The following BEST2 variants were observed in gnomAD, a reference collection of about 807,000 sequenced individuals.
BEST2 encodes bestrophin-2a.
Under a neutral mutation model 49.0 loss-of-function variants are expected in BEST2, and 36 were observed. The ratio of observed to expected loss-of-function variants is 0.73; its 90% CI spans 0.56 to 0.97. BEST2 has a LOEUF of 0.97. BEST2 is among the 50% of genes least tolerant of loss of function. BEST2 has a pLI of 0.00. For synonymous variants in BEST2, 335 were observed against 304.4 expected (o/e 1.10, Z -1.05); for missense variants, 672 against 710.0 (o/e 0.95, Z 0.61).
chr19:12,755,990 A>G lies in BEST2; in HGVS notation c.948+55A>G. ...AGGTGGCGACCATCCCGGAGTGCCC[A>G]ACAGGGTTCTGGTCCCACCCCTGCC... is the stretch of plus-strand genomic sequence containing the variant. On this transcript the variant is annotated intron_variant, in intron 8 of 9. Transcript: ENST00000553030. This position sits in a 1 kb window ranked among gnomAD's most constrained non-coding sequence, Gnocchi z 4.4. 3.1e-6 allele frequency: 5 copies of G among 1,597,576 alleles called. No homozygotes were observed. The highest frequency in any genetic ancestry group is 4.3e-6 in the Non-Finnish European group (5 of 1,165,478).
chr19:12,754,759 C>A lies in BEST2; in HGVS notation c.455C>A (p.Pro152His). 1.3e-6 allele frequency: 2 copies of A among 1,586,180 alleles called. No individual in the cohort carries two copies. Among genetic ancestry groups the A allele is most frequent in the Non-Finnish European group, 1.7e-6 (2 of 1,165,992 alleles). The change falls in exon 4 of 10, where the codon CCC becomes CAC. Residue 152 changes from proline to histidine, a missense_variant. This residue lies in a region of BEST2 where 365 missense variants were observed against 390.9 expected (regional missense o/e 0.93). Transcript: ENST00000553030. Reference protein sequence around the residue: ...SVSTAVFKRFPTIDHVVEAGF... With the variant: ...SVSTAVFKRFHTIDHVVEAGF... Reference sequence around the variant, plus strand: ...AGCACCGCGGTGTTCAAGCGCTTCCCCACCATAGACCACGTGGTGGAGGCT... The same window carrying A: ...AGCACCGCGGTGTTCAAGCGCTTCCACACCATAGACCACGTGGTGGAGGCT...
rs967907804 is a variant in BEST2 at position 12,755,006 on chromosome 19, A to G, written c.611A>G (p.Asn204Ser). 6 of 1,609,422 alleles carry G rather than the reference A, an allele frequency of 3.7e-6. No individual in the cohort carries two copies. In the African/African-American group the frequency reaches 6.7e-5, roughly 18 times the overall value. ...QARREGRIRD[N>S]SALKLLLEEL... Reference sequence around the variant, plus strand: ...CGACGCGAGGGCCGCATCCGCGACAACAGCGCCCTTAAGCTGCTGCTCGAG... The same window carrying G: ...CGACGCGAGGGCCGCATCCGCGACAGCAGCGCCCTTAAGCTGCTGCTCGAG... The change falls in exon 5 of 10, where the codon AAC becomes AGC. Residue 204 changes from asparagine (N) to serine (S), a missense_variant. By Grantham distance (46) the Asn-to-Ser change is conservative. Around this residue, in one of 3 missense-constraint regions of BEST2, gnomAD observed 365 missense variants for 390.9 expected, o/e 0.93. Transcript: ENST00000553030. The surrounding 1 kb of genome is among the most constrained non-coding windows in gnomAD (Gnocchi z 4.4).
At position 12,755,292 on chromosome 19, in the gene BEST2, C is replaced by T; in HGVS notation, c.637-87C>T. 7.1e-7 allele frequency: 1 copy of T among 1,408,196 alleles called. No homozygotes were observed. The highest frequency in any genetic ancestry group is 1.0e-6 in the Non-Finnish European group (1 of 997,022). The allele number at this position is 1,408,196 out of a possible 1,614,324, so 87.2% of individuals were successfully genotyped here. A position where few individuals can be genotyped will look rare whatever the true frequency, so the allele number is the denominator to read the frequency against. ...ACACTCCCAATTCCCACCAGGTGACCACCCACCTCCATCCCACGTACCTAC... is the reference window on the plus strand; with the variant it reads ...ACACTCCCAATTCCCACCAGGTGACTACCCACCTCCATCCCACGTACCTAC... On this transcript the variant is annotated intron_variant, in intron 5 of 9. Coordinates refer to ENST00000553030, the MANE Select transcript of BEST2 (RefSeq NM_017682.3). This position sits in a 1 kb window ranked among gnomAD's most constrained non-coding sequence, Gnocchi z 4.4.
chr19:12,754,335 G>C (rs1967908317), intron 3 of BEST2, among the ~76,000 whole-genome samples: 1 of 152,090 alleles, frequency 6.6e-6, no homozygotes, highest in East Asian at 1.9e-4. Context: ...GCCTCCCAAG[G>C]AGCTGGGATT....
Position 12,758,334 on chromosome 19 carries a change from A to G in BEST2, c.*257A>G. 1 of 533,688 alleles carries G rather than the reference A, an allele frequency of 1.9e-6. No homozygotes were observed. The highest frequency in any genetic ancestry group is 3.3e-6 in the Non-Finnish European group (1 of 306,594). 33.1% of individuals were successfully genotyped at this position (533,688 alleles called of 1,614,324 possible). On this transcript the variant is annotated 3_prime_UTR_variant, in exon 10 of 10. Coordinates refer to ENST00000553030, the MANE Select transcript of BEST2 (RefSeq NM_017682.3). The stretch of plus-strand genomic sequence containing the variant: ...AGGTCTCTATCAGTGTCCTGCCTGA[A>G]TTCTTTCCTTCAAGTGAAGATGTGA...
At chr19:12,756,342 T>G (rs1319885392) in intron 9 of BEST2, 47 bp downstream of exon 9, 1 of 1,597,710 alleles carries the variant, frequency 6.3e-7, no homozygotes, top group Admixed American at 1.7e-5. Flanking sequence ...GGCTTATGGC[T>G]CTGCGGGGCA....
chr19:12,754,263 G>A (rs1268365437), intron 3 of BEST2, among the ~76,000 whole-genome samples: 2 of 151,554 alleles, frequency 1.3e-5, no homozygotes, highest in Non-Finnish European at 2.9e-5. Flanking sequence ...TAGTAGAGAC[G>A]GAGTTTCACC....
intron 2 of BEST2, 85 bp downstream of exon 2, chr19:12,752,829 A>G: frequency 2.1e-6 from 2 of 958,758 alleles, no homozygotes; most frequent in Non-Finnish European, 2.6e-6. Context: ...ATAAAAATAT[A>G]GAGATATATA....
Position 12,755,082 on chromosome 19 carries a change from C to A in BEST2, c.636+51C>A. 1 of 1,547,728 alleles carries A rather than the reference C, an allele frequency of 6.5e-7. No individual in the cohort carries two copies. On this transcript the variant is annotated intron_variant, in intron 5 of 9. Transcript: ENST00000553030. This position sits in a 1 kb window ranked among gnomAD's most constrained non-coding sequence, Gnocchi z 4.4. ...TATAGAATACCAGGGAAATTGTACC[C>A]CTGGAGCTGTGTCAACGGCGGCCCT...
chr19:12,756,317 G>C, intron 9 of BEST2, 22 bp downstream of exon 9: 1 of 1,610,386 alleles, frequency 6.2e-7, no homozygotes, highest in Non-Finnish European at 8.5e-7. Flanking sequence ...GGGTGGGCAG[G>C]GCCGCCTGGG....
rs1463366835 is a variant in BEST2, at chr19:12,754,656, G to A, written c.352G>A (p.Asp118Asn). 3 of 1,558,406 alleles carry A rather than the reference G, an allele frequency of 1.9e-6. No individual in the cohort carries two copies. The highest frequency in any genetic ancestry group is 2.6e-6 in the Non-Finnish European group (3 of 1,150,892). The change falls in exon 4 of 10, where the codon GAC (aspartate) becomes AAC (asparagine). Residue 118 changes from aspartate to asparagine, a missense_variant. By Grantham distance (23) the Asp-to-Asn change is conservative. This residue lies in a region of BEST2 where 365 missense variants were observed against 390.9 expected (regional missense o/e 0.93). Transcript: ENST00000553030. ...CVVAGTVHGR[D>N]DRGRLYRRTL... ...GGTGGCGGGCACCGTGCACGGACGC[G>A]ACGACCGCGGCCGCCTCTACCGGCG...
In BEST2 at chr19:12,758,293, A is replaced by C; in HGVS notation, c.*216A>C. ...CCCTGACCACCAGCTCTACTTCCCAACCCCCACTGCCTGAGAGGTCTCTAT... is the reference window on the plus strand; with the variant it reads ...CCCTGACCACCAGCTCTACTTCCCACCCCCCACTGCCTGAGAGGTCTCTAT... On this transcript the variant is annotated 3_prime_UTR_variant, in exon 10 of 10. Transcript: ENST00000553030. 1 of 585,412 alleles carries C rather than the reference A, an allele frequency of 1.7e-6. No individual in the cohort carries two copies. The highest frequency in any genetic ancestry group is 3.0e-6 in the Non-Finnish European group (1 of 338,826). The allele number at this position is 585,412 out of a possible 1,614,324, so 36.3% of individuals were successfully genotyped here. A position where few individuals can be genotyped will look rare whatever the true frequency, so the allele number is the denominator to read the frequency against.
At position 12,753,269 on chromosome 19, in the gene BEST2, G is replaced by C; in HGVS notation, c.162G>C (p.Leu54=). Residue 54 remains leucine, a synonymous_variant, in exon 3 of 10, where the codon CTG becomes CTC. Coordinates refer to ENST00000553030, the MANE Select transcript of BEST2 (RefSeq NM_017682.3). ...MALSAAYRFV[L]TEGQKRYFEK... is the part of the protein sequence containing the mutation. ...CATCTCTATCCCGCAGCTTTGTGCT[G>C]ACCGAAGGGCAGAAGCGCTACTTCG... The C allele has an allele frequency of 6.2e-7, 1 of 1,614,178 alleles. No homozygotes were observed. Among genetic ancestry groups the C allele is most frequent in the Non-Finnish European group, 8.5e-7 (1 of 1,180,022 alleles).
intron 9 of BEST2, 99 bp downstream of exon 9, chr19:12,756,394 G>A (rs1967944990): frequency 6.8e-7 from 1 of 1,461,484 alleles, no homozygotes; most frequent in Non-Finnish European, 9.3e-7. Context: ...TCTGGAGATG[G>A]GGATAAGAGC....
At chr19:12,753,228 G>A (rs369836917) in intron 2 of BEST2, 32 bp from the exon 3 acceptor site, 6 of 1,606,032 alleles carry the variant, frequency 3.7e-6, no homozygotes, top group Non-Finnish European at 5.1e-6. Context: ...AGTCACCCTT[G>A]TGACCTGTGA....
In BEST2 at chr19:12,755,048, G is replaced by T; in HGVS notation, c.636+17G>T. ...CTGCTCGAGGTGGGCCCAACCAGGA[G>T]GTCATTCATATAGAATACCAGGGAA... On this transcript the variant is annotated intron_variant, in intron 5 of 9. Coordinates refer to ENST00000553030, the MANE Select transcript of BEST2 (RefSeq NM_017682.3). This position sits in a 1 kb window ranked among gnomAD's most constrained non-coding sequence, Gnocchi z 4.4. 6.3e-7 allele frequency: 1 copy of T among 1,587,432 alleles called. No homozygotes were observed. The highest frequency in any genetic ancestry group is 8.5e-7 in the Non-Finnish European group (1 of 1,170,628).
chr19:12,754,506 T>A, intron 3 of BEST2, 46 bp from the exon 4 acceptor site: 5 of 1,388,868 alleles, frequency 3.6e-6, no homozygotes, highest in Non-Finnish European at 4.8e-6. Flanking sequence ...CCCAAACCCC[T>A]GGCCCTGGTG....
In BEST2 at chr19:12,755,840, TC is replaced by T. The variant is rs763084592; in HGVS notation, c.868-12del. On this transcript the variant is annotated splice_polypyrimidine_tract_variant and intron_variant, in intron 7 of 9. Coordinates refer to ENST00000553030, the MANE Select transcript of BEST2 (RefSeq NM_017682.3). This position sits in a 1 kb window ranked among gnomAD's most constrained non-coding sequence, Gnocchi z 4.4. Reference sequence around the variant, plus strand: ...GGTTCCCAAGTTTCCACCTAACTGCTCCCTCTCCTCTCAGGTAGCTGAGCAG... The same window carrying T: ...GGTTCCCAAGTTTCCACCTAACTGCTCCTCTCCTCTCAGGTAGCTGAGCAG... 3.1e-6 allele frequency: 5 copies of T among 1,613,916 alleles called. No individual in the cohort carries two copies. In the African/African-American group the frequency reaches 6.7e-5, roughly 22 times the overall value.
At position 12,755,029 on chromosome 19, in the gene BEST2, G is replaced by C; in HGVS notation, c.634G>C (p.Glu212Gln). The change falls in exon 5 of 10, where the codon GAG becomes CAG. Residue 212 changes from glutamate (E) to glutamine (Q), a missense_variant and splice_region_variant. Physicochemically the swap from Glu to Gln is conservative, Grantham distance 29 (BLOSUM62 2). This residue lies in a region of BEST2 where 365 missense variants were observed against 390.9 expected (regional missense o/e 0.93). Transcript: ENST00000553030. This position sits in a 1 kb window ranked among gnomAD's most constrained non-coding sequence, Gnocchi z 4.4. ...CAACAGCGCCCTTAAGCTGCTGCTCGAGGTGGGCCCAACCAGGAGGTCATT... is the reference window on the plus strand; with the variant it reads ...CAACAGCGCCCTTAAGCTGCTGCTCCAGGTGGGCCCAACCAGGAGGTCATT... ...RDNSALKLLL[E>Q]ELNVFRGKCG... 2 of 1,598,042 alleles carry C rather than the reference G, an allele frequency of 1.3e-6. No individual in the cohort carries two copies. The highest frequency in any genetic ancestry group is 1.7e-6 in the Non-Finnish European group (2 of 1,174,742).
Sources: gnomAD v4.1 joint callset for allele counts (sites outside exome capture counted in the v4.1 genomes callset) on GRCh38, gnomAD v4.1.1 for gene constraint, gnomAD v4.1.1 regional missense constraint, Gnocchi (gnomAD v3.1) non-coding constraint, MANE v1.5 for transcripts, NCBI Gene and HGNC (gene_info 2026-07-23, HGNC 2026-07-21) for gene names.